The following CNTNAP2 variants were observed in gnomAD, a reference collection of about 807,000 sequenced individuals.
CNTNAP2 encodes the protein contactin-associated protein-like 2.
A neutral mutation model predicts 155.2 loss-of-function variants in CNTNAP2; 98 were observed. The ratio of observed to expected loss-of-function variants is 0.63; its 90% CI spans 0.54 to 0.75. The LOEUF (loss-of-function observed/expected upper bound fraction) is 0.75. Among genes scored for constraint, CNTNAP2 ranks in the 30% least tolerant of loss-of-function variants. The probability of loss-of-function intolerance (pLI) is 0.00; values close to 1 mark genes in which losing one functional copy is unlikely to be tolerated. For missense variants in CNTNAP2, 1,727 were observed against 1,688.1 expected (o/e 1.02, Z -0.40); for synonymous variants, 651 against 631.2 (o/e 1.03, Z -0.47).
chr7:146,698,434 C>T (rs984233521), intron 1 of CNTNAP2, among the ~76,000 whole-genome samples: 1 of 151,970 alleles, frequency 6.6e-6, no homozygotes, highest in Non-Finnish European at 1.5e-5. Flanking sequence ...CTAGGCTGTA[C>T]TTTTATTTGT....
At chr7:147,231,144 G>C (rs1279522031) in intron 8 of CNTNAP2, among the ~76,000 whole-genome samples, 4 of 152,200 alleles carry the variant, frequency 2.6e-5, no homozygotes, top group African/African-American at 9.7e-5. Context: ...AGAAAAGCAT[G>C]GGGGATACCG....
At chr7:147,912,192 A>G (rs562401776) in intron 14 of CNTNAP2, among the ~76,000 whole-genome samples, 1 of 151,950 alleles carries the variant, frequency 6.6e-6, no homozygotes, top group South Asian at 2.1e-4. Context: ...GGGAGTTTAA[A>G]TGAGAGGATA....
chr7:146,157,393 G>A (rs991046487), intron 1 of CNTNAP2, among the ~76,000 whole-genome samples: 2 of 152,084 alleles, frequency 1.3e-5, no homozygotes, highest in African/African-American at 4.8e-5. Context: ...CATCTCACTG[G>A]GGCTTGTCAG....
Position 147,108,873 on chromosome 7 carries a change from T to C in CNTNAP2, c.754+523T>C, listed in dbSNP as rs115941027. 3.7e-3 allele frequency among the ~76,000 whole-genome samples: 565 copies of C among 151,948 alleles called. 4 individuals carry two copies. Among genetic ancestry groups the C allele is most frequent in the African/African-American group, 0.013 (545 of 41,412 alleles). ...TGAAAAGGAATTAGCCATGAAAACA[T>C]GAGAGAAAGAAGATTACATAGGAAG... On this transcript the variant is annotated intron_variant, in intron 5 of 23. Transcript: ENST00000361727.
chr7:148,372,685 C>T (rs1798910231), intron 21 of CNTNAP2, among the ~76,000 whole-genome samples: 2 of 152,136 alleles, frequency 1.3e-5, no homozygotes, highest in Admixed American at 6.5e-5. Context: ...GCACTCCATC[C>T]TGGTCAGCAG....
intron 16 of CNTNAP2, among the ~76,000 whole-genome samples, chr7:148,144,195 T>C (rs963514470): frequency 1.3e-5 from 2 of 152,226 alleles, no homozygotes; most frequent in African/African-American, 2.4e-5. Context: ...TGTGTATAGC[T>C]AACAGCCTTG....
At chr7:146,278,466 T>C (rs1174382958) in intron 1 of CNTNAP2, among the ~76,000 whole-genome samples, 2 of 152,066 alleles carry the variant, frequency 1.3e-5, no homozygotes, top group African/African-American at 4.8e-5. Context: ...TATGTGAAAA[T>C]AATCTATAAA....
intron 22 of CNTNAP2, among the ~76,000 whole-genome samples, chr7:148,385,103 G>A (rs1799161672): frequency 1.3e-5 from 2 of 152,132 alleles, no homozygotes; most frequent in Non-Finnish European, 2.9e-5. Flanking sequence ...TGGAGTGTGT[G>A]GCTTCAGTGC....
At chr7:147,726,630 A>G (rs955830806) in intron 13 of CNTNAP2, among the ~76,000 whole-genome samples, 7 of 151,936 alleles carry the variant, frequency 4.6e-5, no homozygotes, top group Non-Finnish European at 1.0e-4. Flanking sequence ...TCAGGTCACA[A>G]TGCTCCTATA....
chr7:147,325,365 T>C (rs1169477090), intron 9 of CNTNAP2, among the ~76,000 whole-genome samples: 2 of 152,152 alleles, frequency 1.3e-5, no homozygotes, highest in East Asian at 1.9e-4. Context: ...AACTTATTTA[T>C]AGTGGTATAA....
chr7:146,497,287 C>A (rs1043202585), intron 1 of CNTNAP2, among the ~76,000 whole-genome samples: 1 of 152,094 alleles, frequency 6.6e-6, no homozygotes, highest in Non-Finnish European at 1.5e-5. Flanking sequence ...TTCTGAAAAA[C>A]ATTTACTAGT....
chr7:147,224,331 CAA>C (rs1803474979), intron 8 of CNTNAP2, among the ~76,000 whole-genome samples: 1 of 152,080 alleles, frequency 6.6e-6, no homozygotes, highest in Non-Finnish European at 1.5e-5. Context: ...AAAATCAAAA[CAA>C]TGATATATTC....
At position 148,310,906 on chromosome 7, in the gene CNTNAP2, G is replaced by A. The variant is rs552547605; in HGVS notation, c.3475+43780G>A. On this transcript the variant is annotated intron_variant, in intron 21 of 23. Coordinates refer to ENST00000361727, the MANE Select transcript of CNTNAP2 (RefSeq NM_014141.6). ...GTGTGAGAAAACGTTGAGTATCTAC[G>A]AGCAACCTTTCACTGTTATTTTCGG... 1.7e-4 allele frequency among the ~76,000 whole-genome samples: 26 copies of A among 152,240 alleles called. 1 individual carries two copies. The South Asian group carries it at 5.2e-3, about 30-fold the overall frequency.
intron 9 of CNTNAP2, among the ~76,000 whole-genome samples, chr7:147,363,517 T>C (rs1796178418): frequency 1.3e-5 from 2 of 152,206 alleles, no homozygotes; most frequent in African/African-American, 4.8e-5. Context: ...GGCATAATTT[T>C]TCTTGTACAC....
intron 13 of CNTNAP2, among the ~76,000 whole-genome samples, chr7:147,850,201 A>C (rs1187204748): frequency 6.6e-6 from 1 of 152,186 alleles, no homozygotes; most frequent in Non-Finnish European, 1.5e-5. Flanking sequence ...TAGGAATCCA[A>C]CTTATAAGGG....
intron 9 of CNTNAP2, among the ~76,000 whole-genome samples, chr7:147,358,401 G>A (rs1030005286): frequency 9.2e-5 from 14 of 152,090 alleles, no homozygotes; most frequent in African/African-American, 3.1e-4. Flanking sequence ...GAATTTTCTA[G>A]TAAGTAGGTG....
chr7:146,536,781 C>A (rs556838764), intron 1 of CNTNAP2, among the ~76,000 whole-genome samples: 1 of 152,158 alleles, frequency 6.6e-6, no homozygotes, highest in East Asian at 1.9e-4. Context: ...ATTCATTAGA[C>A]GCTGTGATTG....
intron 8 of CNTNAP2, among the ~76,000 whole-genome samples, chr7:147,220,190 T>G (rs867073680): frequency 6.6e-6 from 1 of 152,124 alleles, no homozygotes; most frequent in Admixed American, 6.5e-5. Context: ...CCACAGCAGT[T>G]ATGGCCAATA....
chr7:146,920,480 T>A (rs1412009599), intron 3 of CNTNAP2, among the ~76,000 whole-genome samples: 2 of 151,976 alleles, frequency 1.3e-5, no homozygotes, highest in Non-Finnish European at 2.9e-5. Flanking sequence ...TCATGCCATA[T>A]TGTATTGAAA....
Sources: allele counts gnomAD v4.1 joint callset (sites outside exome capture counted in the v4.1 genomes callset), GRCh38; gene constraint gnomAD v4.1.1; transcripts MANE v1.5; gene names NCBI Gene and HGNC (gene_info 2026-07-23, HGNC 2026-07-21).